Variants in WDPCP observed in about 807,000 individuals in gnomAD.
WDPCP encodes the protein WD repeat-containing and planar cell polarity effector protein fritz homolog.
WDPCP carries 71 observed loss-of-function variants against 93.1 expected under a neutral mutation model. The observed-to-expected ratio is 0.76, with a 90% CI of 0.63 to 0.93. The LOEUF is 0.93. WDPCP is among the 40% of genes least tolerant of loss of function. WDPCP has a pLI of 0.00. For synonymous variants in WDPCP, 315 were observed against 315.0 expected (o/e 1.00, Z 0.00); for missense variants, 844 against 887.4 (o/e 0.95, Z 0.62).
chr2:63,558,527 C>CAAAAAA (rs57582852), intron 1 of WDPCP, among the ~76,000 whole-genome samples: 6 of 143,182 alleles, frequency 4.2e-5, no homozygotes, highest in Non-Finnish European at 7.9e-5. Context: ...GACTCTGTCT[C>CAAAAAA]AAAAAAAAAA....
In WDPCP at chr2:63,389,560, T is replaced by C. The variant is rs531165061; in HGVS notation, c.1436-7466A>G. 2.0e-5 allele frequency among the ~76,000 whole-genome samples: 3 copies of C among 152,168 alleles called. No homozygotes were observed. The South Asian group carries it at 6.2e-4, about 32-fold the overall frequency. On this transcript the variant is annotated intron_variant, in intron 10 of 17. Coordinates refer to ENST00000272321, the MANE Select transcript of WDPCP (RefSeq NM_015910.7). ...CACACATAACAATATTAACCTTAAA[T>C]GTAAATGGGGTAAAAGCCCCAATTA...
At chr2:63,640,099 C>T (rs1028287537) in intron 3 of WDPCP, among the ~76,000 whole-genome samples, 1 of 152,170 alleles carries the variant, frequency 6.6e-6, no homozygotes, top group East Asian at 1.9e-4. Context: ...CGCTCCGCCT[C>T]CCAGGTTCAC....
At chr2:63,818,527 G>C (rs765283355) in intron 1 of WDPCP, among the ~76,000 whole-genome samples, 1 of 152,122 alleles carries the variant, frequency 6.6e-6, no homozygotes, top group Non-Finnish European at 1.5e-5. Context: ...CTGAATTCTT[G>C]AATTAGGAGA....
At chr2:63,836,966 A>G in the WDPCP span, among the ~76,000 whole-genome samples, 2 of 152,242 alleles carry the variant, frequency 1.3e-5, no homozygotes, top group African/African-American at 2.4e-5. Flanking sequence ...ACTATCCATA[A>G]TGTGAACTAA....
At chr2:63,385,578 C>T (rs1265508917) in intron 10 of WDPCP, among the ~76,000 whole-genome samples, 2 of 151,990 alleles carry the variant, frequency 1.3e-5, no homozygotes, top group African/African-American at 4.8e-5. Flanking sequence ...GACCTTTACA[C>T]TTAAAATTAT....
At chr2:63,414,784 T>C (rs987346520) in intron 9 of WDPCP, among the ~76,000 whole-genome samples, 2 of 152,182 alleles carry the variant, frequency 1.3e-5, no homozygotes, top group Non-Finnish European at 1.5e-5. Context: ...TGTATACTGC[T>C]TGGGTGATGG....
intron 9 of WDPCP, among the ~76,000 whole-genome samples, chr2:63,411,565 A>G (rs1436188744): frequency 6.6e-6 from 1 of 152,128 alleles, no homozygotes; most frequent in East Asian, 1.9e-4. Context: ...ACAAACAAAA[A>G]TACAAAAGAT....
chr2:63,791,291 C>A (rs547404720), intron 2 of WDPCP, among the ~76,000 whole-genome samples: 1 of 152,180 alleles, frequency 6.6e-6, no homozygotes, highest in Admixed American at 6.5e-5. Flanking sequence ...AGGATGACCA[C>A]ATATTAGTCC....
intron 2 of WDPCP, among the ~76,000 whole-genome samples, chr2:63,734,349 TA>T (rs1339213830): frequency 1.3e-5 from 2 of 152,158 alleles, no homozygotes; most frequent in East Asian, 3.8e-4. Context: ...TTTATGTATG[TA>T]TTTACATATA....
chr2:63,604,015 T>C lies in WDPCP; in HGVS notation n.488+46644A>G, dbSNP rs145247584. Among the ~76,000 whole-genome samples, 778 of 152,344 alleles carry C rather than the reference T, an allele frequency of 5.1e-3. 4 individuals carry two copies. Among genetic ancestry groups the C allele is most frequent in the Middle Eastern group, 6.8e-3 (2 of 294 alleles). On this transcript the variant is annotated intron_variant and non_coding_transcript_variant, in intron 3 of 4. Transcript: ENST00000467687. ...CTGTACTACATGTGATTGCAAGGCA[T>C]TGCAGGACCCTAAAGTGCTTTCTGG...
intron 1 of WDPCP, among the ~76,000 whole-genome samples, chr2:63,531,471 C>A (rs896603668): frequency 1.3e-5 from 2 of 152,108 alleles, no homozygotes; most frequent in African/African-American, 4.8e-5. Context: ...CAGCTGGGTG[C>A]CCCTCTAAGA....
At chr2:63,495,647 A>C (rs1346682607) in intron 1 of WDPCP, among the ~76,000 whole-genome samples, 1 of 152,132 alleles carries the variant, frequency 6.6e-6, no homozygotes, top group Non-Finnish European at 1.5e-5. Context: ...TAACTTCTCT[A>C]TTTCTAAGAG....
chr2:63,579,653 TAAAGAA>T (rs925436757), intron 1 of WDPCP, among the ~76,000 whole-genome samples: 6 of 151,886 alleles, frequency 4.0e-5, no homozygotes, highest in Non-Finnish European at 8.8e-5. Flanking sequence ...AACAATCACT[TAAAGAA>T]AAACAAAGCC....
At chr2:63,792,593 T>A (rs1010446293) in intron 2 of WDPCP, among the ~76,000 whole-genome samples, 1 of 151,910 alleles carries the variant, frequency 6.6e-6, no homozygotes, top group Non-Finnish European at 1.5e-5. Flanking sequence ...AGAAAAGAGC[T>A]GATTAGGAGA....
At chr2:63,801,287 C>T (rs1249025223) in intron 2 of WDPCP, among the ~76,000 whole-genome samples, 1 of 152,148 alleles carries the variant, frequency 6.6e-6, no homozygotes, top group Non-Finnish European at 1.5e-5. Flanking sequence ...TGAGCCCCTC[C>T]ATAGTGCTCC....
intron 17 of WDPCP, among the ~76,000 whole-genome samples, chr2:63,135,907 AT>A (rs930673394): frequency 5.3e-5 from 8 of 151,026 alleles, no homozygotes; most frequent in African/African-American, 1.5e-4. Flanking sequence ...ATTAAAAAAA[AT>A]TTTTTTTTAG....
At chr2:63,293,332 T>C (rs967856803) in intron 13 of WDPCP, among the ~76,000 whole-genome samples, 1 of 152,146 alleles carries the variant, frequency 6.6e-6, no homozygotes, top group African/African-American at 2.4e-5. Flanking sequence ...TTCACCTTAG[T>C]ATAATCTTTG....
intron 9 of WDPCP, among the ~76,000 whole-genome samples, chr2:63,428,982 G>A (rs902120498): frequency 3.3e-5 from 5 of 151,994 alleles, no homozygotes; most frequent in African/African-American, 4.8e-5. Context: ...GCAACCTAGA[G>A]ATGGAACAGA....
chr2:63,384,972 C>G (rs1360726485), intron 10 of WDPCP, among the ~76,000 whole-genome samples: 1 of 151,804 alleles, frequency 6.6e-6, no homozygotes, highest in Non-Finnish European at 1.5e-5. Flanking sequence ...AGATAATATA[C>G]CATGAACAAG....
Sources: allele counts gnomAD v4.1 joint callset (sites outside exome capture counted in the v4.1 genomes callset), GRCh38; gene constraint gnomAD v4.1.1; transcripts MANE v1.5; gene names NCBI Gene and HGNC (gene_info 2026-07-23, HGNC 2026-07-21).